The following NPM1 variants were observed in gnomAD, a reference collection of about 807,000 sequenced individuals.
NPM1 encodes nucleophosmin 1.
Under a neutral mutation model 44.1 loss-of-function variants are expected in NPM1, and 1 was observed. That is an observed-to-expected ratio of 0.02 (90% CI 0.01 to 0.11). NPM1 has a LOEUF of 0.11. Among genes scored for constraint, NPM1 ranks in the 10% least tolerant of loss-of-function variants. The pLI, the probability that NPM1 is intolerant of heterozygous loss-of-function variation, is 1.00. For synonymous variants in NPM1, 126 were observed against 111.8 expected (o/e 1.13, Z -0.80); for missense variants, 197 against 347.8 (o/e 0.57, Z 3.45).
intron 10 of NPM1, among the ~76,000 whole-genome samples, chr5:171,409,404 T>C (rs1057470668): frequency 1.3e-5 from 2 of 152,032 alleles, no homozygotes; most frequent in African/African-American, 4.8e-5. Flanking sequence ...ATACTAAATT[T>C]AGCTGGGCAT....
intron 1 of NPM1, among the ~76,000 whole-genome samples, chr5:171,388,891 G>A (rs542553145): frequency 6.6e-6 from 1 of 152,322 alleles, no homozygotes; most frequent in South Asian, 2.1e-4. Flanking sequence ...GGCAATAAGA[G>A]ACTAAATCTA....
chr5:171,405,346 A>AAAAGGACCT lies in NPM1; in HGVS notation c.716_724dup (p.Lys239_Pro241dup), dbSNP rs1561875299. The AAAAGGACCT allele has an allele frequency of 6.3e-7, 1 of 1,596,996 alleles. No individual in the cohort carries two copies. Among genetic ancestry groups the AAAAGGACCT allele is most frequent in the East Asian group, 2.2e-5 (1 of 44,772 alleles). ...AACAGGAAAAAACTCCTAAAACACC[A>AAAAGGACCT]AAAGGACCTAGTTCTGTAGAAGACA... On this transcript the variant is annotated inframe_insertion, in exon 9 of 11. Transcript: ENST00000296930.
At position 171,405,420 on chromosome 5, in the gene NPM1, T is replaced by G. The variant is rs1561875409; in HGVS notation, c.771+17T>G. ...ATAGAAAAAGTGAGTAAAGTTATCT[T>G]AAAAAAACTTTGTCTCCCCCCTCAA... On this transcript the variant is annotated intron_variant, in intron 9 of 10. Transcript: ENST00000296930. The G allele has an allele frequency of 1.6e-6, 2 of 1,220,230 alleles. No homozygotes were observed. The highest frequency in any genetic ancestry group is 1.9e-5 in the Admixed American group (1 of 52,294). The allele number at this position is 1,220,230 out of a possible 1,614,324, so 75.6% of individuals were successfully genotyped here. A position where few individuals can be genotyped will look rare whatever the true frequency, so the allele number is the denominator to read the frequency against.
intron 6 of NPM1, among the ~76,000 whole-genome samples, chr5:171,398,350 G>A (rs956868755): frequency 3.3e-5 from 5 of 152,108 alleles, no homozygotes; most frequent in African/African-American, 1.2e-4. Context: ...GTTCCATTTT[G>A]AGTAAACTTA....
At chr5:171,390,355 C>G (rs1331056283) in intron 2 of NPM1, among the ~76,000 whole-genome samples, 1 of 152,164 alleles carries the variant, frequency 6.6e-6, no homozygotes, top group Non-Finnish European at 1.5e-5. Flanking sequence ...GTTCAACTTG[C>G]CTTATTTTCT....
At chr5:171,403,649 A>C (rs1382915157) in intron 8 of NPM1, among the ~76,000 whole-genome samples, 5 of 101,182 alleles carry the variant, frequency 4.9e-5, no homozygotes, top group African/African-American at 1.2e-4. Context: ...GACCCCCCCC[A>C]CCTCCCTCCC....
intron 6 of NPM1, among the ~76,000 whole-genome samples, chr5:171,398,067 G>A (rs1249528552): frequency 6.6e-6 from 1 of 152,064 alleles, no homozygotes; most frequent in African/African-American, 2.4e-5. Flanking sequence ...GATTACAGGC[G>A]TGAGCCACTG....
At position 171,387,981 on chromosome 5, in the gene NPM1, C is replaced by A; in HGVS notation, c.33C>A (p.Pro11=). 6.2e-7 allele frequency: 1 copy of A among 1,612,918 alleles called. No individual in the cohort carries two copies. The highest frequency in any genetic ancestry group is 8.5e-7 in the Non-Finnish European group (1 of 1,179,994). ...ATTCGATGGACATGGACATGAGCCC[C>A]CTGAGGCCCCAGAACTATCTTTTCG... is the stretch of plus-strand genomic sequence containing the variant. MEDSMDMDMS[P]LRPQNYLFGC... is the part of the protein sequence containing the mutation. The change falls in exon 1 of 11, where the codon CCC becomes CCA. Residue 11 remains proline, a synonymous_variant. Coordinates refer to ENST00000296930, the MANE Select transcript of NPM1 (RefSeq NM_002520.7).
intron 6 of NPM1, among the ~76,000 whole-genome samples, chr5:171,394,916 C>T (rs546898082): frequency 9.2e-5 from 14 of 152,124 alleles, no homozygotes; most frequent in South Asian, 2.1e-4. Context: ...TGGTGGCTCA[C>T]GCCTGTAATC....
chr5:171,410,252 G>C (rs940060792), intron 10 of NPM1, among the ~76,000 whole-genome samples: 1 of 152,138 alleles, frequency 6.6e-6, no homozygotes, highest in Non-Finnish European at 1.5e-5. Context: ...TTGGCCATAT[G>C]GGTCTCTGTT....
chr5:171,389,912 G>T, intron 1 of NPM1, 139 bp from the exon 2 acceptor site: 2 of 619,430 alleles, frequency 3.2e-6, no homozygotes, highest in Non-Finnish European at 2.8e-6. Context: ...TCTAGGAATT[G>T]ATCATTCTGC....
rs1059683 is a variant in NPM1 at position 171,410,812 on chromosome 5, G to A, written c.*247G>A. 9 of 363,550 alleles carry A rather than the reference G, an allele frequency of 2.5e-5. No homozygotes were observed. Among genetic ancestry groups the A allele is most frequent in the South Asian group, 9.3e-5 (1 of 10,790 alleles). The allele number at this position is 363,550 out of a possible 1,614,324, so 22.5% of individuals were successfully genotyped here. ...TGTTATGATAGGACATAGTAGTAGC[G>A]GTGGTCAGACATGGAAATGGTGGGG... On this transcript the variant is annotated 3_prime_UTR_variant, in exon 11 of 11. Transcript: ENST00000296930.
chr5:171,390,762 C>T (rs1387122929), intron 2 of NPM1, among the ~76,000 whole-genome samples: 1 of 151,742 alleles, frequency 6.6e-6, no homozygotes, highest in African/African-American at 2.4e-5. Flanking sequence ...CTCGCTCTGT[C>T]ACCCAGGCTG....
At chr5:171,392,622 A>C in intron 4 of NPM1, 88 bp from the exon 5 acceptor site, 1 of 669,674 alleles carries the variant, frequency 1.5e-6, no homozygotes, top group Non-Finnish European at 2.4e-6. Context: ...TAGAAGTCTC[A>C]GTTTTTAGAG....
chr5:171,388,528 G>C (rs1272989159), intron 1 of NPM1, among the ~76,000 whole-genome samples: 1 of 151,940 alleles, frequency 6.6e-6, no homozygotes, highest in Admixed American at 6.6e-5. Flanking sequence ...AGTTACTGGG[G>C]GTGGGGAGGC....
intron 10 of NPM1, among the ~76,000 whole-genome samples, chr5:171,409,516 C>G (rs563534310): frequency 9.9e-5 from 15 of 152,280 alleles, no homozygotes; most frequent in South Asian, 6.2e-4. Flanking sequence ...GCACTCCAGT[C>G]TGGGTGGCAG....
chr5:171,394,125 T>C (rs1428410967), intron 6 of NPM1, among the ~76,000 whole-genome samples: 1 of 137,834 alleles, frequency 7.3e-6, no homozygotes, highest in Non-Finnish European at 1.5e-5. Context: ...CACCACAACC[T>C]CTGCCTCCTG....
chr5:171,391,901 T>G, intron 4 of NPM1, 102 bp downstream of exon 4: 1 of 594,664 alleles, frequency 1.7e-6, no homozygotes, highest in Non-Finnish European at 2.9e-6. Flanking sequence ...CTACTGTCTT[T>G]TTAATAGGTT....
At position 171,391,573 on chromosome 5, in the gene NPM1, G is replaced by T. The variant is rs1770580364; in HGVS notation, c.259-133G>T. 6.1e-6 allele frequency: 7 copies of T among 1,143,238 alleles called. No homozygotes were observed. In the South Asian group the frequency reaches 9.8e-5, roughly 16 times the overall value. The allele number at this position is 1,143,238 out of a possible 1,614,324, so 70.8% of individuals were successfully genotyped here. On this transcript the variant is annotated intron_variant, in intron 3 of 10. Transcript: ENST00000296930. Reference sequence around the variant, plus strand: ...CGATGGTCAACTCTTGAACATGGGGGCTTCTGCTGCTACTTTTATCAGAGG... The same window carrying T: ...CGATGGTCAACTCTTGAACATGGGGTCTTCTGCTGCTACTTTTATCAGAGG...
Sources: allele counts gnomAD v4.1 joint callset (sites outside exome capture counted in the v4.1 genomes callset), GRCh38; gene constraint gnomAD v4.1.1; transcripts MANE v1.5; gene names NCBI Gene and HGNC (gene_info 2026-07-23, HGNC 2026-07-21).